Variants in MIA2 observed in about 807,000 individuals in gnomAD.
The protein encoded by MIA2 is melanoma inhibitory activity protein 2.
MIA2 carries 127 observed loss-of-function variants against 167.8 expected under a neutral mutation model. The ratio of observed to expected loss-of-function variants is 0.76; its 90% confidence interval spans 0.66 to 0.88. MIA2 has a LOEUF of 0.88. MIA2 is among the 40% of genes least tolerant of loss of function. MIA2 has a pLI of 0.00. For missense variants in MIA2, 1,690 were observed against 1,624.7 expected (o/e 1.04, Z -0.69); for synonymous variants, 552 against 541.9 (o/e 1.02, Z -0.26).
intron 9 of MIA2, among the ~76,000 whole-genome samples, chr14:39,284,808 G>T (rs1469407813): frequency 6.7e-6 from 1 of 149,606 alleles, no homozygotes; most frequent in Non-Finnish European, 1.5e-5. Context: ...AGGGGGATTT[G>T]GCAGGGTCAT....
At chr14:39,274,612 G>C (rs2057667919) in intron 6 of MIA2, among the ~76,000 whole-genome samples, 1 of 149,806 alleles carries the variant, frequency 6.7e-6, no homozygotes, top group Admixed American at 6.6e-5. Context: ...TTTTGGTAGA[G>C]ATGGGGTTTC....
Position 39,291,045 on chromosome 14 carries a change from T to G in MIA2, c.2157T>G (p.Ser719=). Residue 719 remains serine, a synonymous_variant, in exon 10 of 29, where the codon TCT becomes TCG. Coordinates refer to ENST00000640607, the MANE Select transcript of MIA2 (RefSeq NM_001329214.4). ...ATGAAGGCTATGAAGTAGAGTCATC[T>G]TTAAAGGATGCCAGCTTTGAGAAGG... ...KEYEGYEVES[S]LKDASFEKEA... is the part of the protein sequence containing the mutation. 6.2e-7 allele frequency: 1 copy of G among 1,608,390 alleles called. No homozygotes were observed. The highest frequency in any genetic ancestry group is 2.2e-5 in the East Asian group (1 of 44,556).
At chr14:39,268,760 T>C (rs551144896) in intron 6 of MIA2, among the ~76,000 whole-genome samples, 2 of 152,196 alleles carry the variant, frequency 1.3e-5, no homozygotes, top group Admixed American at 6.5e-5. Flanking sequence ...GTAGTAAGGA[T>C]AGGAAAGAGG....
At chr14:39,299,822 C>A (rs199786240) in intron 13 of MIA2, 42 bp from the exon 14 acceptor site, 18 of 1,573,296 alleles carry the variant, frequency 1.1e-5, no homozygotes, top group Non-Finnish European at 1.5e-5. Flanking sequence ...TTTAATGATT[C>A]ACTTGTGTGA....
At position 39,358,980 on chromosome 14, in the gene MIA2, G is replaced by T. The variant is rs570721887; in HGVS notation, c.2248+10003G>T. On this transcript the variant is annotated intron_variant, in intron 23 of 23. Coordinates refer to the MIA2 transcript ENST00000341502. ...TGCCCCTACTGGGGGATGCCTCCCA[G>T]TTAGGCTACTCGGGGGTCAGGGACC... Among the ~76,000 whole-genome samples, 15 of 152,350 alleles carry T rather than the reference G, an allele frequency of 9.8e-5. No individual in the cohort carries two copies. In the South Asian group the frequency reaches 2.7e-3, roughly 27 times the overall value.
chr14:39,386,895 T>C (rs778222142), exon 24 of MIA2: 6 of 803,342 alleles, frequency 7.5e-6, no homozygotes. Flanking sequence ...GCGCACGCTC[T>C]CCGCCCGGGG....
chr14:39,294,126 T>A, intron 12 of MIA2, 55 bp downstream of exon 12: 1 of 1,260,986 alleles, frequency 7.9e-7, no homozygotes, highest in South Asian at 1.3e-5. Flanking sequence ...TTTAGTTTAA[T>A]TTTTTAAAAT....
chr14:39,268,198 A>G (rs1042380386), intron 6 of MIA2, among the ~76,000 whole-genome samples: 24 of 152,098 alleles, frequency 1.6e-4, no homozygotes, highest in African/African-American at 5.6e-4. Flanking sequence ...GTGTAGGGGC[A>G]TTTATGTCGC....
At chr14:39,330,056 C>A (rs1408703372) in intron 25 of MIA2, among the ~76,000 whole-genome samples, 1 of 152,132 alleles carries the variant, frequency 6.6e-6, no homozygotes, top group African/African-American at 2.4e-5. Flanking sequence ...ACCAGCTCCT[C>A]CTTGTACCTC....
Position 39,247,789 on chromosome 14 carries a change from T to C in MIA2, c.1215T>C (p.Asp405=), listed in dbSNP as rs1158129280. Residue 405 remains aspartate (D), a synonymous_variant, in exon 4 of 29, where the codon GAT becomes GAC. Coordinates refer to ENST00000640607, the MANE Select transcript of MIA2 (RefSeq NM_001329214.4). Reference sequence around the variant, plus strand: ...TAGATGACAGGAAAAATGAAGAAGATGGTGGGGCAGATGAACATGAACATC... The same window carrying C: ...TAGATGACAGGAAAAATGAAGAAGACGGTGGGGCAGATGAACATGAACATC... ...IMLDDRKNEE[D]GGADEHEHPL... 1.4e-5 allele frequency: 23 copies of C among 1,613,272 alleles called. No individual in the cohort carries two copies. Among genetic ancestry groups the C allele is most frequent in the Non-Finnish European group, 1.9e-5 (23 of 1,179,898 alleles).
At chr14:39,342,631 A>C (rs2072223938) in intron 25 of MIA2, among the ~76,000 whole-genome samples, 1 of 152,218 alleles carries the variant, frequency 6.6e-6, no homozygotes, top group Non-Finnish European at 1.5e-5. Flanking sequence ...ATTATAGCAC[A>C]ATCCTGGATA....
In MIA2 at chr14:39,388,066, G is replaced by A. The variant is rs1405110249; in HGVS notation, c.*1114G>A. 1 of 152,148 alleles carries A rather than the reference G, an allele frequency of 6.6e-6. No homozygotes were observed. The highest frequency in any genetic ancestry group is 2.4e-5 in the African/African-American group (1 of 41,426). 9.4% of individuals were successfully genotyped at this position (152,148 alleles called of 1,614,324 possible). A position where few individuals can be genotyped will look rare whatever the true frequency, so the allele number is the denominator to read the frequency against. ...ATTATTCTCTTTATTGTAGTGGTCT[G>A]GAACTGAACCTGCAATATCTCCAAG... On this transcript the variant is annotated 3_prime_UTR_variant, in exon 24 of 24. Coordinates refer to the MIA2 transcript ENST00000341502. The surrounding 1 kb of genome is among the most constrained non-coding windows in gnomAD (Gnocchi z 4.1).
At chr14:39,338,691 A>C (rs187289998) in intron 25 of MIA2, among the ~76,000 whole-genome samples, 1 of 152,360 alleles carries the variant, frequency 6.6e-6, no homozygotes, top group East Asian at 1.9e-4. Context: ...AAATTTATCA[A>C]TGTGACTTAC....
intron 23 of MIA2, among the ~76,000 whole-genome samples, chr14:39,370,973 C>G (rs752877081): frequency 8.5e-5 from 13 of 152,322 alleles, no homozygotes; most frequent in South Asian, 4.1e-4. Flanking sequence ...TTCCTTCAAA[C>G]TTTTATTCAA....
At chr14:39,300,039 C>G (rs2062138970) in intron 14 of MIA2, 53 bp downstream of exon 14, 1 of 1,559,080 alleles carries the variant, frequency 6.4e-7, no homozygotes, top group Admixed American at 2.3e-5. Context: ...TTTACACTAA[C>G]TCTGAAATTT....
In MIA2 at chr14:39,263,950, A is replaced by G. The variant is rs145618719; in HGVS notation, c.1887+10779A>G. On this transcript the variant is annotated intron_variant, in intron 6 of 28. Transcript: ENST00000640607. ...ACGCCCAGCCCTTCCTTTCTTTCTT[A>G]TTTCCATGTTTATTTTGGATTCAAG... is the stretch of plus-strand genomic sequence containing the variant. Among the ~76,000 whole-genome samples, 10 of 151,750 alleles carry G rather than the reference A, an allele frequency of 6.6e-5. No homozygotes were observed. In the East Asian group the frequency reaches 1.9e-3, roughly 29 times the overall value.
At chr14:39,386,445 A>G in intron 23 of MIA2, 2 of 1,545,300 alleles carry the variant, frequency 1.3e-6, no homozygotes, top group South Asian at 1.1e-5. Flanking sequence ...CCTTTTGGAG[A>G]ACTACATCTC....
At chr14:39,288,457 A>ATTTTTTTTTTTTTT (rs1566747630) in intron 9 of MIA2, among the ~76,000 whole-genome samples, 1 of 16,586 alleles carries the variant, frequency 6.0e-5, no homozygotes, top group African/African-American at 1.5e-4. Context: ...ATATATATAT[A>ATTTTTTTTTTTTTT]TATATATATA....
chr14:39,352,199 C>CTTTT (rs11392444), downstream of MIA2, among the ~76,000 whole-genome samples: 2 of 133,044 alleles, frequency 1.5e-5, no homozygotes, highest in Non-Finnish European at 1.6e-5. Flanking sequence ...TTGTTTTTGG[C>CTTTT]TTTTTTTTTT....
Sources: gnomAD v4.1 joint callset for allele counts (sites outside exome capture counted in the v4.1 genomes callset) on GRCh38, gnomAD v4.1.1 for gene constraint, Gnocchi (gnomAD v3.1) non-coding constraint, MANE v1.5 for transcripts, NCBI Gene and HGNC (gene_info 2026-07-23, HGNC 2026-07-21) for gene names.